LUZP2: variants seen among roughly 807,000 people sequenced by gnomAD.
The protein encoded by LUZP2 is leucine zipper protein 2.
In LUZP2, 52 loss-of-function variants were observed where a neutral mutation model predicts 51.6. The ratio of observed to expected loss-of-function variants is 1.01; its 90% confidence interval spans 0.81 to 1.27. The LOEUF (loss-of-function observed/expected upper bound fraction) is 1.27. Ranked by LOEUF, LUZP2 falls within the 50% of genes most tolerant of loss-of-function variation. The pLI, the probability that LUZP2 is intolerant of heterozygous loss-of-function variation, is 0.00. For synonymous variants in LUZP2, 154 were observed against 137.3 expected (o/e 1.12, Z -0.85); for missense variants, 436 against 395.4 (o/e 1.10, Z -0.87).
chr11:24,660,619 T>C (rs745725941), intron 1 of LUZP2, among the ~76,000 whole-genome samples: 1 of 152,176 alleles, frequency 6.6e-6, no homozygotes, highest in Non-Finnish European at 1.5e-5. Flanking sequence ...ATGTTCTTCC[T>C]GAGTAAAAAT....
intron 1 of LUZP2, among the ~76,000 whole-genome samples, chr11:24,620,383 G>T (rs905812858): frequency 6.6e-6 from 1 of 151,950 alleles, no homozygotes; most frequent in African/African-American, 2.4e-5. Flanking sequence ...TTTTGTCAAG[G>T]TATTATATCT....
intron 1 of LUZP2, among the ~76,000 whole-genome samples, chr11:24,695,227 T>G (rs1857208089): frequency 6.6e-6 from 1 of 152,118 alleles, no homozygotes; most frequent in African/African-American, 2.4e-5. Flanking sequence ...TTTAAATAAA[T>G]GTGGAACATT....
chr11:25,053,414 A>G (rs566386370), intron 10 of LUZP2, among the ~76,000 whole-genome samples: 1 of 152,278 alleles, frequency 6.6e-6, no homozygotes, highest in African/African-American at 2.4e-5. Context: ...CTTTATTGAG[A>G]TATAACTTAC....
intron 9 of LUZP2, among the ~76,000 whole-genome samples, chr11:24,992,611 A>G (rs1856382758): frequency 6.6e-6 from 1 of 152,186 alleles, no homozygotes; most frequent in African/African-American, 2.4e-5. Flanking sequence ...TAAATGAATT[A>G]TTTAAAAGGA....
At chr11:24,774,342 C>CTT (rs1848841719) in intron 5 of LUZP2, among the ~76,000 whole-genome samples, 1 of 75,702 alleles carries the variant, frequency 1.3e-5, no homozygotes, top group African/African-American at 5.6e-5. Context: ...TTCTCTCTCT[C>CTT]TCTCTCTCTC....
intron 9 of LUZP2, among the ~76,000 whole-genome samples, chr11:25,007,835 A>C (rs985448945): frequency 1.3e-5 from 2 of 152,132 alleles, no homozygotes; most frequent in African/African-American, 4.8e-5. Flanking sequence ...TGGTTATTAA[A>C]ATTTTGCTGT....
At chr11:24,874,338 CAG>C (rs1261778349) in intron 5 of LUZP2, among the ~76,000 whole-genome samples, 2 of 152,128 alleles carry the variant, frequency 1.3e-5, no homozygotes, top group African/African-American at 2.4e-5. Flanking sequence ...AAAGAACACT[CAG>C]GGGGCTGTAG....
intron 1 of LUZP2, among the ~76,000 whole-genome samples, chr11:24,686,843 G>T (rs754134581): frequency 2.0e-5 from 3 of 151,960 alleles, no homozygotes; most frequent in Admixed American, 6.6e-5. Flanking sequence ...TTATGTTAAA[G>T]GTTTGACCCT....
At chr11:24,694,759 G>A (rs940707404) in intron 1 of LUZP2, among the ~76,000 whole-genome samples, 24 of 151,964 alleles carry the variant, frequency 1.6e-4, no homozygotes, top group Admixed American at 4.6e-4. Context: ...GAAAGACTTC[G>A]TGTCCTTTTC....
intron 5 of LUZP2, among the ~76,000 whole-genome samples, chr11:24,867,151 A>G (rs1226322371): frequency 6.6e-6 from 1 of 152,118 alleles, no homozygotes; most frequent in African/African-American, 2.4e-5. Flanking sequence ...AAAAGGGTGC[A>G]CTTCCACCAG....
At chr11:24,774,186 T>A (rs2134058630) in intron 5 of LUZP2, among the ~76,000 whole-genome samples, 1 of 151,734 alleles carries the variant, frequency 6.6e-6, no homozygotes, top group Non-Finnish European at 1.5e-5. Context: ...TACATCTTTC[T>A]CCTGTGCTGG....
chr11:24,504,582 C>T (rs1345266836), intron 1 of LUZP2, among the ~76,000 whole-genome samples: 2 of 152,066 alleles, frequency 1.3e-5, no homozygotes, highest in Admixed American at 6.6e-5. Flanking sequence ...TGTCTCAGGG[C>T]ACATAGCTGT....
rs1210336069 is a variant in LUZP2 at position 24,909,386 on chromosome 11, AAGAT to A, written c.459+3337_459+3340del. ...AAAAGGCAACCATTCTGACACTTGA[AAGAT>A]AGAGCATCAATTATGTGGAAGAATT... On this transcript the variant is annotated intron_variant, in intron 6 of 11. Coordinates refer to ENST00000336930, the MANE Select transcript of LUZP2 (RefSeq NM_001009909.4). Among the ~76,000 whole-genome samples the A allele has an allele frequency of 2.1e-4, 32 of 152,170 alleles. No individual in the cohort carries two copies. In the East Asian group the frequency reaches 4.8e-3, roughly 23 times the overall value.
At chr11:24,782,192 G>A (rs11820007) in intron 5 of LUZP2, among the ~76,000 whole-genome samples, 1,825 of 152,138 alleles carry the variant, frequency 0.012, 28 homozygotes, top group African/African-American at 0.04. Context: ...TCACAGAAAA[G>A]CCTGGCAATC....
intron 1 of LUZP2, among the ~76,000 whole-genome samples, chr11:24,516,423 G>A (rs1461540175): frequency 6.6e-6 from 1 of 152,164 alleles, no homozygotes; most frequent in African/African-American, 2.4e-5. Flanking sequence ...AGAGAAATGG[G>A]ATAAGTGCTC....
At chr11:24,959,634 A>G (rs370530265) in intron 7 of LUZP2, among the ~76,000 whole-genome samples, 9 of 152,258 alleles carry the variant, frequency 5.9e-5, no homozygotes, top group African/African-American at 1.7e-4. Flanking sequence ...TTGCTTATCA[A>G]CTTAAGGAGA....
chr11:24,785,934 T>A, intron 5 of LUZP2: 1 of 985,342 alleles, frequency 1.0e-6, no homozygotes, highest in Non-Finnish European at 1.2e-6. Flanking sequence ...TAGATCTGAC[T>A]TCCTACAAGC....
intron 1 of LUZP2, among the ~76,000 whole-genome samples, chr11:24,652,956 G>A (rs1437626154): frequency 3.3e-5 from 5 of 152,092 alleles, no homozygotes; most frequent in African/African-American, 1.2e-4. Flanking sequence ...TGCTACAATA[G>A]AAATACATGT....
intron 7 of LUZP2, among the ~76,000 whole-genome samples, chr11:24,942,932 ATTAT>A (rs1365174352): frequency 5.9e-5 from 9 of 152,124 alleles, no homozygotes; most frequent in African/African-American, 1.9e-4. Context: ...GATTTTTCTT[ATTAT>A]TTAATGAGAT....
Sources: gnomAD v4.1 joint callset for allele counts (sites outside exome capture counted in the v4.1 genomes callset) on GRCh38, gnomAD v4.1.1 for gene constraint, MANE v1.5 for transcripts, NCBI Gene and HGNC (gene_info 2026-07-23, HGNC 2026-07-21) for gene names.